Variants in PTH2 observed in about 807,000 individuals in gnomAD.
PTH2 encodes tuberoinfundibular 39 residue protein.
A neutral mutation model predicts 6.2 loss-of-function variants in PTH2; 5 were observed. The ratio of observed to expected loss-of-function variants is 0.80; its 90% confidence interval spans 0.42 to 1.69. The LOEUF is 1.69. Ranked by LOEUF, PTH2 falls within the 40% of genes most tolerant of loss-of-function variation. PTH2 has a pLI of 0.02. For missense variants in PTH2, 156 were observed against 142.5 expected (o/e 1.09, Z -0.48); for synonymous variants, 67 against 73.6 (o/e 0.91, Z 0.46).
chr19:49,422,749 C>T (rs1975030995), intron 1 of PTH2, 107 bp from the exon 2 acceptor site: 4 of 1,036,352 alleles, frequency 3.9e-6, no homozygotes, highest in Non-Finnish European at 5.2e-6. Context: ...TGGAGTGGCT[C>T]GGTCCGGCTC....
chr19:49,423,382 C>T lies in PTH2; in HGVS notation c.-43G>A, dbSNP rs1975039833. 43 of 1,539,300 alleles carry T rather than the reference C, an allele frequency of 2.8e-5. No homozygotes were observed. In the East Asian group the frequency reaches 3.4e-4, roughly 12 times the overall value. ...AAAGGGGCTCAGTAGGGCTGCATCC[C>T]GGCCCAGAACCCCGGGCCCCACCAT... On this transcript the variant is annotated 5_prime_UTR_variant, in exon 1 of 2. Coordinates refer to ENST00000270631, the MANE Select transcript of PTH2 (RefSeq NM_178449.4).
Position 49,423,363 on chromosome 19 carries a change from G to T in PTH2, c.-24C>A. On this transcript the variant is annotated 5_prime_UTR_variant, in exon 1 of 2. Transcript: ENST00000270631. ...ATCACCTGTGGAGAACCAGAAAGGGGCTCAGTAGGGCTGCATCCCGGCCCA... is the reference window on the plus strand; with the variant it reads ...ATCACCTGTGGAGAACCAGAAAGGGTCTCAGTAGGGCTGCATCCCGGCCCA... 6.4e-7 allele frequency: 1 copy of T among 1,555,716 alleles called. No individual in the cohort carries two copies. Among genetic ancestry groups the T allele is most frequent in the South Asian group, 1.2e-5 (1 of 85,704 alleles).
Position 49,423,321 on chromosome 19 carries a change from A to G in PTH2, c.19T>C (p.Ser7Pro). 7 of 1,603,188 alleles carry G rather than the reference A, an allele frequency of 4.4e-6. No homozygotes were observed. Among genetic ancestry groups the G allele is most frequent in the Non-Finnish European group, 6.0e-6 (7 of 1,174,916 alleles). Residue 7 changes from serine to proline, a missense_variant, in exon 1 of 2, where the codon TCC becomes CCC. Physicochemically the swap from Ser to Pro is moderately conservative, Grantham distance 74. Coordinates refer to ENST00000270631, the MANE Select transcript of PTH2 (RefSeq NM_178449.4). METRQV[S>P]RSPRVRLLLL... ...AGCAGCCGAACCCGAGGGCTCCTGG[A>G]CACCTGGCGGGTCTCCATCACCTGT...
Position 49,422,781 on chromosome 19 carries a change from G to C in PTH2, c.129-139C>G, listed in dbSNP as rs576249006. 5.5e-5 allele frequency: 44 copies of C among 799,912 alleles called. No individual in the cohort carries two copies. The Admixed American group carries it at 1.6e-3, about 29-fold the overall frequency. 49.6% of individuals were successfully genotyped at this position (799,912 alleles called of 1,614,324 possible). A position where few individuals can be genotyped will look rare whatever the true frequency, so the allele number is the denominator to read the frequency against. On this transcript the variant is annotated intron_variant, in intron 1 of 1. Transcript: ENST00000270631. ...GCTCCCCCTGTCTCTCTCGTTCTCT[G>C]TGTGGGTCTCTGTCTCTCTGCTCAC... is the stretch of plus-strand genomic sequence containing the variant.
chr19:49,423,284 A>C lies in PTH2; in HGVS notation c.56T>G (p.Leu19Arg). ...GCCCCAGGGCACCACCAGCAGCAGC[A>C]GCAGCAGCAGCAGCAGCCGAACCCG... ...SPRVRLLLLL[L>R]LLLVVPWGVR... The change falls in exon 1 of 2, where the codon CTG becomes CGG. Residue 19 changes from leucine to arginine, a missense_variant. By Grantham distance (102) the Leu-to-Arg change is moderately radical. Transcript: ENST00000270631. 1 of 1,609,346 alleles carries C rather than the reference A, an allele frequency of 6.2e-7. No individual in the cohort carries two copies. Among genetic ancestry groups the C allele is most frequent in the Non-Finnish European group, 8.5e-7 (1 of 1,178,446 alleles).
chr19:49,423,197 G>T lies in PTH2; in HGVS notation c.128+15C>A. ...GTTCCCACCCCTCCCTGGGAGTTCTGGGACTGGCACCTACCTGAGGACCCC... is the reference window on the plus strand; with the variant it reads ...GTTCCCACCCCTCCCTGGGAGTTCTTGGACTGGCACCTACCTGAGGACCCC... On this transcript the variant is annotated intron_variant, in intron 1 of 1. Coordinates refer to ENST00000270631, the MANE Select transcript of PTH2 (RefSeq NM_178449.4). 6.2e-7 allele frequency: 1 copy of T among 1,611,060 alleles called. No homozygotes were observed. Among genetic ancestry groups the T allele is most frequent in the Non-Finnish European group, 8.5e-7 (1 of 1,178,106 alleles).
Position 49,423,252 on chromosome 19 carries a change from T to G in PTH2, c.88A>C (p.Thr30Pro). Reference sequence around the variant, plus strand: ...GGGGGCAGGGCGACTCCCGAGGCAGTGCGGACGCCCCAGGGCACCACCAGC... The same window carrying G: ...GGGGGCAGGGCGACTCCCGAGGCAGGGCGGACGCCCCAGGGCACCACCAGC... ...LLLVVPWGVR[T>P]ASGVALPPVG... The change falls in exon 1 of 2, where the codon ACT becomes CCT. Residue 30 changes from threonine (T) to proline (P), a missense_variant. Physicochemically the swap from Thr to Pro is conservative, Grantham distance 38. Transcript: ENST00000270631. The G allele has an allele frequency of 6.2e-7, 1 of 1,613,464 alleles. No individual in the cohort carries two copies.
chr19:49,423,432 A>G lies in PTH2; in HGVS notation c.-93T>C. 6.9e-7 allele frequency: 1 copy of G among 1,456,874 alleles called. No homozygotes were observed. The highest frequency in any genetic ancestry group is 9.1e-7 in the Non-Finnish European group (1 of 1,093,054). The allele number at this position is 1,456,874 out of a possible 1,614,324, so 90.2% of individuals were successfully genotyped here. A position where few individuals can be genotyped will look rare whatever the true frequency, so the allele number is the denominator to read the frequency against. On this transcript the variant is annotated 5_prime_UTR_variant, in exon 1 of 2. Coordinates refer to ENST00000270631, the MANE Select transcript of PTH2 (RefSeq NM_178449.4). ...TGCATCCACCCCCAGCTTCCCGCACAGTCCCCTACCGTGCAGTGGGCTGGG... is the reference window on the plus strand; with the variant it reads ...TGCATCCACCCCCAGCTTCCCGCACGGTCCCCTACCGTGCAGTGGGCTGGG...
In PTH2 at chr19:49,422,620, A is replaced by G; in HGVS notation, c.151T>C (p.Trp51Arg). 6.9e-7 allele frequency: 1 copy of G among 1,442,438 alleles called. No homozygotes were observed. Among genetic ancestry groups the G allele is most frequent in the Non-Finnish European group, 9.0e-7 (1 of 1,105,554 alleles). The allele number at this position is 1,442,438 out of a possible 1,614,324, so 89.4% of individuals were successfully genotyped here. The change falls in exon 2 of 2, where the codon TGG (tryptophan) becomes CGG (arginine). Residue 51 changes from tryptophan (W) to arginine (R), a missense_variant. By Grantham distance (101) the Trp-to-Arg change is moderately radical. Coordinates refer to ENST00000270631, the MANE Select transcript of PTH2 (RefSeq NM_178449.4). ...VLSLRPPGRA[W>R]ADPATPRPRR... ...GGCCTGGGGGTGGCGGGATCCGCCC[A>G]GGCCCGTCCTGGGGGGCGGAGGCTG...
chr19:49,422,916 G>C (rs979341260), intron 1 of PTH2, among the ~76,000 whole-genome samples: 2 of 152,094 alleles, frequency 1.3e-5, no homozygotes, highest in African/African-American at 4.8e-5. Context: ...GTTGCTCAAA[G>C]AATGAATCCG....
At position 49,422,422 on chromosome 19, in the gene PTH2, G is replaced by C. The variant is rs768666533; in HGVS notation, c.*46C>G. On this transcript the variant is annotated 3_prime_UTR_variant, in exon 2 of 2. Coordinates refer to ENST00000270631, the MANE Select transcript of PTH2 (RefSeq NM_178449.4). ...GTCGCGCAGGAACTAGGCGCAGTCCGGAGCGCAGGGCATGGTCTTTATTAA... is the reference window on the plus strand; with the variant it reads ...GTCGCGCAGGAACTAGGCGCAGTCCCGAGCGCAGGGCATGGTCTTTATTAA... 1.3e-6 allele frequency: 2 copies of C among 1,562,952 alleles called. No individual in the cohort carries two copies. The highest frequency in any genetic ancestry group is 1.7e-6 in the Non-Finnish European group (2 of 1,159,854).
At chr19:49,423,106 G>T in intron 1 of PTH2, 106 bp downstream of exon 1, 1 of 1,426,856 alleles carries the variant, frequency 7.0e-7, no homozygotes. Flanking sequence ...CCCTCTCTTT[G>T]GGCTTCTGTT....
Position 49,423,439 on chromosome 19 carries a change from T to C in PTH2, c.-100A>G. The C allele has an allele frequency of 7.1e-7, 1 of 1,413,826 alleles. No individual in the cohort carries two copies. The highest frequency in any genetic ancestry group is 9.4e-7 in the Non-Finnish European group (1 of 1,059,172). 87.6% of individuals were successfully genotyped at this position (1,413,826 alleles called of 1,614,324 possible). On this transcript the variant is annotated 5_prime_UTR_variant, in exon 1 of 2. Coordinates refer to ENST00000270631, the MANE Select transcript of PTH2 (RefSeq NM_178449.4). The stretch of plus-strand genomic sequence containing the variant: ...ACCCCCAGCTTCCCGCACAGTCCCC[T>C]ACCGTGCAGTGGGCTGGGGCAGCGA...
chr19:49,422,654 C>G lies in PTH2; in HGVS notation c.129-12G>C. 7.2e-7 allele frequency: 1 copy of G among 1,396,406 alleles called. No homozygotes were observed. The highest frequency in any genetic ancestry group is 9.3e-7 in the Non-Finnish European group (1 of 1,078,594). The allele number at this position is 1,396,406 out of a possible 1,614,324, so 86.5% of individuals were successfully genotyped here. ...CTGGGGGGCGGAGGCTGTGGAGAGA[C>G]GCGGTGACCGCGCGTCCAGACTCGC... On this transcript the variant is annotated splice_polypyrimidine_tract_variant and intron_variant, in intron 1 of 1. Coordinates refer to ENST00000270631, the MANE Select transcript of PTH2 (RefSeq NM_178449.4).
At chr19:49,423,107 G>T in intron 1 of PTH2, 105 bp downstream of exon 1, 2 of 1,437,700 alleles carry the variant, frequency 1.4e-6, no homozygotes, top group Non-Finnish European at 9.4e-7. Flanking sequence ...CCTCTCTTTG[G>T]GCTTCTGTTC....
intron 1 of PTH2, 122 bp downstream of exon 1, chr19:49,423,090 C>G (rs1975034855): frequency 1.6e-6 from 2 of 1,281,652 alleles, no homozygotes; most frequent in African/African-American, 1.5e-5. Context: ...CGCTGGGTCT[C>G]GGTCGCCCTC....
Position 49,422,703 on chromosome 19 carries a change from G to T in PTH2, c.129-61C>A, listed in dbSNP as rs1191493681. On this transcript the variant is annotated intron_variant, in intron 1 of 1. Transcript: ENST00000270631. ...GCTCTTGCCGCCGCCTGTCCTCCCCGCGGTCTAACTCGAAGCCCCGTTACT... is the reference window on the plus strand; with the variant it reads ...GCTCTTGCCGCCGCCTGTCCTCCCCTCGGTCTAACTCGAAGCCCCGTTACT... 4.4e-5 allele frequency: 60 copies of T among 1,357,676 alleles called. No homozygotes were observed. The Middle Eastern group carries it at 8.1e-4, about 18-fold the overall frequency. 84.1% of individuals were successfully genotyped at this position (1,357,676 alleles called of 1,614,324 possible).
intron 1 of PTH2, 77 bp from the exon 2 acceptor site, chr19:49,422,719 C>G: frequency 1.2e-5 from 16 of 1,286,910 alleles, no homozygotes; most frequent in Non-Finnish European, 1.6e-5. Context: ...TAACTCGAAG[C>G]CCCGTTACTG....
Position 49,422,472 on chromosome 19 carries a change from G to C in PTH2, c.299C>G (p.Pro100Arg). The change falls in exon 2 of 2, where the codon CCC (proline) becomes CGC (arginine). Residue 100 changes from proline to arginine, a missense_variant. Transcript: ENST00000270631. Reference sequence around the variant, plus strand: ...AGATGGGGACGGGCAGCGCGCTCAGGGCGCATCCAACACCAGCAGCTTGTG... The same window carrying C: ...AGATGGGGACGGGCAGCGCGCTCAGCGCGCATCCAACACCAGCAGCTTGTG... ...YMHKLLVLDA[P>R] The C allele has an allele frequency of 1.3e-6, 2 of 1,593,398 alleles. No homozygotes were observed. The highest frequency in any genetic ancestry group is 1.7e-6 in the Non-Finnish European group (2 of 1,172,064).
Sources: allele counts gnomAD v4.1 joint callset (sites outside exome capture counted in the v4.1 genomes callset), GRCh38; gene constraint gnomAD v4.1.1; transcripts MANE v1.5; gene names NCBI Gene and HGNC (gene_info 2026-07-23, HGNC 2026-07-21).